CLN8: variants seen among roughly 807,000 people sequenced by gnomAD.
CLN8 encodes the protein CLN8 transmembrane ER and ERGIC protein, also known as protein CLN8.
In CLN8, 14 loss-of-function variants were observed where a neutral mutation model predicts 15.7. The observed-to-expected ratio is 0.89, with a 90% CI of 0.59 to 1.39. CLN8 has a LOEUF of 1.39. Among genes scored for constraint, CLN8 ranks in the 40% most tolerant of loss-of-function variants. The pLI, the probability that CLN8 is intolerant of heterozygous loss-of-function variation, is 0.00. For synonymous variants in CLN8, 188 were observed against 151.0 expected (o/e 1.25, Z -1.80); for missense variants, 415 against 364.0 (o/e 1.14, Z -1.14).
chr8:1,780,046 G>C, intron 2 of CLN8: 32 of 985,496 alleles, frequency 3.2e-5, no homozygotes, highest in Non-Finnish European at 3.9e-5. Context: ...GGTCAGCCCT[G>C]CTGGCCCAGG....
At chr8:1,754,621 C>T (rs1362550612), upstream of CLN8, among the ~76,000 whole-genome samples, 2 of 152,204 alleles carry the variant, frequency 1.3e-5, no homozygotes, top group African/African-American at 4.8e-5. Flanking sequence ...ACTTCAGCAT[C>T]TAAAGCTGCT....
upstream of CLN8, among the ~76,000 whole-genome samples, chr8:1,755,359 C>A (rs898871751): frequency 6.6e-6 from 1 of 152,172 alleles, no homozygotes; most frequent in African/African-American, 2.4e-5. Context: ...CCACCCGACT[C>A]CCCTCGCTCT....
upstream of CLN8, chr8:1,760,015 G>A (rs904438214): frequency 6.6e-6 from 1 of 152,100 alleles, no homozygotes; most frequent in Non-Finnish European, 1.5e-5. Flanking sequence ...CTCACAATGA[G>A]CGTATATTGC....
At chr8:1,753,694 G>A (rs1800604239), upstream of CLN8, among the ~76,000 whole-genome samples, 1 of 151,566 alleles carries the variant, frequency 6.6e-6, no homozygotes, top group South Asian at 2.1e-4. Context: ...GACCATCCTG[G>A]CTAACATGGT....
chr8:1,772,187 G>A (rs1392210570), intron 2 of CLN8, among the ~76,000 whole-genome samples: 1 of 151,956 alleles, frequency 6.6e-6, no homozygotes, highest in Non-Finnish European at 1.5e-5. Flanking sequence ...CCGCCTGCCT[G>A]GGCCTCCCAA....
At chr8:1,769,247 A>G (rs1468087238) in intron 1 of CLN8, among the ~76,000 whole-genome samples, 1 of 152,226 alleles carries the variant, frequency 6.6e-6, no homozygotes, top group Non-Finnish European at 1.5e-5. Context: ...ATCAGGTCCC[A>G]GGACTCACAT....
At chr8:1,780,007 G>A in intron 2 of CLN8, 1 of 985,486 alleles carries the variant, frequency 1.0e-6, no homozygotes, top group Non-Finnish European at 1.2e-6. Context: ...AAGAGCAAGA[G>A]GAGCAGGAAA....
intron 2 of CLN8, 56 bp downstream of exon 2, chr8:1,771,653 TAC>T: frequency 6.6e-7 from 1 of 1,511,258 alleles, no homozygotes; most frequent in Non-Finnish European, 9.1e-7. Flanking sequence ...AATCACTGGC[TAC>T]AATGTCCTGG....
chr8:1,784,160 C>T lies in CLN8; in HGVS notation c.*3593C>T, dbSNP rs2129016174. ...ACTAGCTGGGGGTGGTGGTGCATGC[C>T]TGTGGTCCCAGCTACTTGGGAGGCT... is the stretch of plus-strand genomic sequence containing the variant. On this transcript the variant is annotated 3_prime_UTR_variant, in exon 3 of 3. Coordinates refer to ENST00000331222, the MANE Select transcript of CLN8 (RefSeq NM_018941.4). 1 of 152,350 alleles carries T rather than the reference C, an allele frequency of 6.6e-6. No individual in the cohort carries two copies. Among genetic ancestry groups the T allele is most frequent in the African/African-American group, 2.4e-5 (1 of 41,524 alleles). 9.4% of individuals were successfully genotyped at this position (152,350 alleles called of 1,614,324 possible). A position where few individuals can be genotyped will look rare whatever the true frequency, so the allele number is the denominator to read the frequency against.
In CLN8 at chr8:1,771,511, C is replaced by T. The variant is rs755276576; in HGVS notation, c.457C>T (p.Leu153Phe). 5.0e-6 allele frequency: 8 copies of T among 1,614,122 alleles called. No individual in the cohort carries two copies. Among genetic ancestry groups the T allele is most frequent in the Non-Finnish European group, 6.8e-6 (8 of 1,179,992 alleles). The part of the protein sequence containing the change: ...FLGFLGCLVN[L>F]QAGHYLAMTT... ...TGGGTTTCTTGGCTGCTTGGTCAAT[C>T]TCCAAGCTGGCCACTATCTAGCTAT... is the stretch of plus-strand genomic sequence containing the variant. The change falls in exon 2 of 3, where the codon CTC becomes TTC. Residue 153 changes from leucine (L) to phenylalanine (F), a missense_variant. Physicochemically the swap from Leu to Phe is conservative, Grantham distance 22. Transcript: ENST00000331222.
At chr8:1,762,304 C>T (rs1800817778), upstream of CLN8, 1 of 152,252 alleles carries the variant, frequency 6.6e-6, no homozygotes, top group African/African-American at 2.4e-5. Context: ...CTGCTTCAGC[C>T]TCCTGAGTAG....
At chr8:1,776,547 T>A (rs1261813577) in intron 2 of CLN8, among the ~76,000 whole-genome samples, 1 of 152,198 alleles carries the variant, frequency 6.6e-6, no homozygotes, top group Admixed American at 6.5e-5. Context: ...GACAGAAGGT[T>A]CTGGAATCTG....
chr8:1,753,133 A>G (rs189047848), upstream of CLN8, among the ~76,000 whole-genome samples: 4 of 152,288 alleles, frequency 2.6e-5, no homozygotes, highest in African/African-American at 9.6e-5. Context: ...CCCCTTTCTG[A>G]TAATTACATA....
At position 1,785,297 on chromosome 8, in the gene CLN8, C is replaced by T. The variant is rs1057457670; in HGVS notation, c.*4730C>T. The T allele has an allele frequency of 3.7e-5, 7 of 190,434 alleles. No homozygotes were observed. Among genetic ancestry groups the T allele is most frequent in the Non-Finnish European group, 5.6e-5 (5 of 89,004 alleles). 11.8% of individuals were successfully genotyped at this position (190,434 alleles called of 1,614,324 possible). ...GGTTAGACAGGTACCGGTCAGACTA[C>T]GGTGACACAGGCGGCGTGCGGTTAG... On this transcript the variant is annotated 3_prime_UTR_variant, in exon 3 of 3. Coordinates refer to ENST00000331222, the MANE Select transcript of CLN8 (RefSeq NM_018941.4).
chr8:1,760,702 T>G (rs999797826), upstream of CLN8, among the ~76,000 whole-genome samples: 5 of 152,130 alleles, frequency 3.3e-5, no homozygotes, highest in Admixed American at 6.6e-5. Flanking sequence ...AGGAACCCAG[T>G]GCTGATGGAG....
upstream of CLN8, chr8:1,763,118 T>TGGGCCCTGTGTCCTCACC (rs1241681614): frequency 2.0e-5 from 3 of 151,960 alleles, no homozygotes; most frequent in African/African-American, 7.2e-5. Context: ...GTCCGGGGCT[T>TGGGCCCTGTGTCCTCACC]GGGCCCTGTG....
exon 1 of CLN8, chr8:1,755,941 G>A (rs909933064): frequency 6.6e-6 from 1 of 151,930 alleles, no homozygotes; most frequent in African/African-American, 2.4e-5. Flanking sequence ...TCATAAGAGA[G>A]GGGGAAAATG....
upstream of CLN8, chr8:1,763,122 C>T (rs1239213028): frequency 1.3e-5 from 2 of 152,064 alleles, no homozygotes; most frequent in East Asian, 1.9e-4. Context: ...GGGGCTTGGG[C>T]CCTGTGTCCT....
rs1365410883 is a variant in CLN8, at chr8:1,782,557, G to A, written c.*1990G>A. 6.6e-6 allele frequency: 1 copy of A among 152,182 alleles called. No homozygotes were observed. The highest frequency in any genetic ancestry group is 2.4e-5 in the African/African-American group (1 of 41,432). 9.4% of individuals were successfully genotyped at this position (152,182 alleles called of 1,614,324 possible). On this transcript the variant is annotated 3_prime_UTR_variant, in exon 3 of 3. Coordinates refer to ENST00000331222, the MANE Select transcript of CLN8 (RefSeq NM_018941.4). ...TAATCTTAAACACATCCAGCAAATG[G>A]TGTCCCTGCTGAAACTTTTAACTGG...
Sources: allele counts gnomAD v4.1 joint callset (sites outside exome capture counted in the v4.1 genomes callset), GRCh38; gene constraint gnomAD v4.1.1; transcripts MANE v1.5; gene names NCBI Gene and HGNC (gene_info 2026-07-23, HGNC 2026-07-21).